The following ZNF521 variants were observed in gnomAD, a reference collection of about 807,000 sequenced individuals.
The protein encoded by ZNF521 is LYST-interacting protein 3.
Under a neutral mutation model 105.5 loss-of-function variants are expected in ZNF521, and 14 were observed. The ratio of observed to expected loss-of-function variants is 0.13; its 90% CI spans 0.09 to 0.21. The LOEUF is 0.21. ZNF521 is among the 10% of genes least tolerant of loss of function. The pLI, the probability that ZNF521 is intolerant of heterozygous loss-of-function variation, is 1.00. For synonymous variants in ZNF521, 635 were observed against 606.0 expected (o/e 1.05, Z -0.70); for missense variants, 1,233 against 1,629.7 (o/e 0.76, Z 4.19).
In ZNF521 at chr18:25,271,550, G is replaced by A. The variant is rs561724485; in HGVS notation, c.221-43853C>T. Among the ~76,000 whole-genome samples, 19 of 152,266 alleles carry A rather than the reference G, an allele frequency of 1.2e-4. 1 individual carries two copies. Among genetic ancestry groups the A allele is most frequent in the African/African-American group, 4.6e-4 (19 of 41,562 alleles). The stretch of plus-strand genomic sequence containing the variant: ...AGGCTACAGTAACCAAAGCAGCATA[G>A]TACTGGTACCAAAACAGATATATAG... On this transcript the variant is annotated intron_variant, in intron 3 of 7. Coordinates refer to ENST00000361524, the MANE Select transcript of ZNF521 (RefSeq NM_015461.3).
chr18:25,142,027 CT>C (rs1183026189), intron 5 of ZNF521, among the ~76,000 whole-genome samples: 1 of 152,164 alleles, frequency 6.6e-6, no homozygotes, highest in African/African-American at 2.4e-5. Context: ...CAAACATCAT[CT>C]TGTGTAGCTT....
At chr18:25,180,649 G>C (rs1475944826) in intron 5 of ZNF521, among the ~76,000 whole-genome samples, 3 of 152,050 alleles carry the variant, frequency 2.0e-5, no homozygotes, top group Non-Finnish European at 1.5e-5. Context: ...GTGGAGTTAT[G>C]AGTTACTCAA....
intron 5 of ZNF521, among the ~76,000 whole-genome samples, chr18:25,158,509 C>T (rs2035189971): frequency 6.6e-6 from 1 of 151,986 alleles, no homozygotes; most frequent in African/African-American, 2.4e-5. Context: ...TTGTTATTCT[C>T]TGATTTTTAG....
At chr18:25,142,029 T>C (rs1457717455) in intron 5 of ZNF521, among the ~76,000 whole-genome samples, 2 of 152,180 alleles carry the variant, frequency 1.3e-5, no homozygotes, top group Admixed American at 1.3e-4. Flanking sequence ...AACATCATCT[T>C]GTGTAGCTTA....
At chr18:25,077,152 G>A (rs8089286) in intron 7 of ZNF521, among the ~76,000 whole-genome samples, 14,780 of 152,208 alleles carry the variant, frequency 0.097, 1,835 homozygotes, top group African/African-American at 0.29. Flanking sequence ...TAAAAAATGC[G>A]GTCATCAGCC....
intron 7 of ZNF521, among the ~76,000 whole-genome samples, chr18:25,069,185 A>ATT (rs2033152708): frequency 6.6e-6 from 1 of 152,110 alleles, no homozygotes; most frequent in African/African-American, 2.4e-5. Flanking sequence ...TCTAATCAAG[A>ATT]TTTTTACATT....
At chr18:25,329,459 T>C (rs965547431) in intron 2 of ZNF521, among the ~76,000 whole-genome samples, 5 of 152,140 alleles carry the variant, frequency 3.3e-5, no homozygotes, top group African/African-American at 7.2e-5. Context: ...GAAGAGCAAG[T>C]TGGGCTACAT....
chr18:25,177,008 G>A (rs1567995693), intron 5 of ZNF521, among the ~76,000 whole-genome samples: 1 of 152,108 alleles, frequency 6.6e-6, no homozygotes, highest in Non-Finnish European at 1.5e-5. Flanking sequence ...TTCTACATCT[G>A]AGGACCTCAC....
intron 5 of ZNF521, among the ~76,000 whole-genome samples, chr18:25,186,063 G>C (rs973336907): frequency 1.3e-5 from 2 of 152,128 alleles, no homozygotes; most frequent in African/African-American, 4.8e-5. Flanking sequence ...AAGAGAGAAC[G>C]ACTGATTTTT....
chr18:25,189,930 C>T (rs1337034455), intron 5 of ZNF521, among the ~76,000 whole-genome samples: 4 of 152,212 alleles, frequency 2.6e-5, no homozygotes. Context: ...CAACACCCAG[C>T]AGAACGCCCA....
chr18:25,099,795 C>T (rs190852503), intron 5 of ZNF521, among the ~76,000 whole-genome samples: 14 of 152,160 alleles, frequency 9.2e-5, no homozygotes, highest in African/African-American at 2.9e-4. Context: ...GGACTTCCGG[C>T]AGTAGTGGAA....
chr18:25,143,667 A>G (rs1205622366), intron 5 of ZNF521, among the ~76,000 whole-genome samples: 2 of 152,154 alleles, frequency 1.3e-5, no homozygotes, highest in African/African-American at 4.8e-5. Flanking sequence ...ATTATTTTAT[A>G]CATTTCTATT....
chr18:25,088,904 C>T (rs2033684592), intron 7 of ZNF521, among the ~76,000 whole-genome samples: 1 of 152,190 alleles, frequency 6.6e-6, no homozygotes, highest in Non-Finnish European at 1.5e-5. Flanking sequence ...GTTACTCACA[C>T]ATTAATCAAG....
At chr18:25,187,780 A>C (rs1033575551) in intron 5 of ZNF521, among the ~76,000 whole-genome samples, 1 of 152,182 alleles carries the variant, frequency 6.6e-6, no homozygotes, top group Non-Finnish European at 1.5e-5. Context: ...TTGTTCACAG[A>C]AGACAGCGAA....
chr18:25,316,876 C>T (rs1912658618), intron 3 of ZNF521, among the ~76,000 whole-genome samples: 2 of 129,046 alleles, frequency 1.5e-5, no homozygotes, highest in South Asian at 2.7e-4. Context: ...TTTTTTGAGA[C>T]AGAGTTTCAC....
intron 4 of ZNF521, chr18:25,201,546 T>G (rs1047909597): frequency 6.6e-6 from 1 of 152,210 alleles, no homozygotes; most frequent in African/African-American, 2.4e-5. Context: ...TTTTTCTATC[T>G]TTATATTTTA....
At chr18:25,220,261 T>C (rs1905623060) in intron 4 of ZNF521, among the ~76,000 whole-genome samples, 2 of 152,216 alleles carry the variant, frequency 1.3e-5, no homozygotes, top group South Asian at 4.1e-4. Context: ...TATCTTTTTG[T>C]TTCTCTAAGT....
rs1404910608 is a variant in ZNF521 at position 25,306,851 on chromosome 18, C to A, written c.220+15157G>T. ...ATAAAGGGAAAACTAAACCACAATT[C>A]AAGAAAAAAAAAAAAAGTATGTAAG... On this transcript the variant is annotated intron_variant, in intron 3 of 7. Transcript: ENST00000361524. Among the ~76,000 whole-genome samples, 6 of 17,304 alleles carry A rather than the reference C, an allele frequency of 3.5e-4. No individual in the cohort carries two copies. The South Asian group carries it at 0.012, about 34-fold the overall frequency. 11.4% of individuals were successfully genotyped at this position (17,304 alleles called of 152,430 possible).
chr18:25,066,785 A>G (rs1270633332), intron 7 of ZNF521, among the ~76,000 whole-genome samples: 2 of 152,194 alleles, frequency 1.3e-5, no homozygotes, highest in Non-Finnish European at 2.9e-5. Context: ...AAATGCTGCC[A>G]GGCCATCCAC....
Sources: gnomAD v4.1 joint callset for allele counts (sites outside exome capture counted in the v4.1 genomes callset) on GRCh38, gnomAD v4.1.1 for gene constraint, MANE v1.5 for transcripts, NCBI Gene and HGNC (gene_info 2026-07-23, HGNC 2026-07-21) for gene names.